Variants in LRMDA observed in about 807,000 individuals in gnomAD.
The protein encoded by LRMDA is leucine rich melanocyte differentiation associated.
LRMDA carries 18 observed loss-of-function variants against 29.8 expected under a neutral mutation model. The ratio of observed to expected loss-of-function variants is 0.60; its 90% CI spans 0.42 to 0.90. The LOEUF (loss-of-function observed/expected upper bound fraction) is 0.90, where lower values mean the gene tolerates loss of function less well. Among genes scored for constraint, LRMDA ranks in the 40% least tolerant of loss-of-function variants. The pLI, the probability that LRMDA is intolerant of heterozygous loss-of-function variation, is 0.00. For missense variants in LRMDA, 273 were observed against 273.9 expected, an observed-to-expected ratio of 1.00 and a Z score of 0.02; for synonymous variants, 125 against 109.4, an observed-to-expected ratio of 1.14 and a Z score of -0.89.
intron 5 of LRMDA, among the ~76,000 whole-genome samples, chr10:76,108,691 G>A (rs2132110812): frequency 6.6e-6 from 1 of 152,208 alleles, no homozygotes; most frequent in East Asian, 1.9e-4. Context: ...TGTGGCATAG[G>A]AAATAGAGCT....
At chr10:76,356,841 T>C (rs1310927825) in intron 6 of LRMDA, among the ~76,000 whole-genome samples, 1 of 152,212 alleles carries the variant, frequency 6.6e-6, no homozygotes, top group African/African-American at 2.4e-5. Flanking sequence ...TCAGCGTGTC[T>C]TCCAGGGTCA....
At chr10:76,051,188 C>G (rs977599923) in intron 4 of LRMDA, among the ~76,000 whole-genome samples, 1 of 152,238 alleles carries the variant, frequency 6.6e-6, no homozygotes, top group Non-Finnish European at 1.5e-5. Flanking sequence ...AGCTGTAAAA[C>G]TTGTGGCTTA....
At chr10:76,090,298 T>A (rs1301558396) in intron 5 of LRMDA, among the ~76,000 whole-genome samples, 3 of 152,174 alleles carry the variant, frequency 2.0e-5, no homozygotes, top group African/African-American at 7.2e-5. Context: ...TGAAGCCAGT[T>A]TCACTGTGGC....
intron 2 of LRMDA, among the ~76,000 whole-genome samples, chr10:75,954,083 A>G (rs1013737051): frequency 2.6e-5 from 4 of 152,216 alleles, no homozygotes; most frequent in East Asian, 3.8e-4. Context: ...CAGAAAGTGG[A>G]TCACAGCCAG....
At chr10:76,436,795 T>A (rs1489791844) in intron 6 of LRMDA, among the ~76,000 whole-genome samples, 1 of 152,162 alleles carries the variant, frequency 6.6e-6, no homozygotes, top group Non-Finnish European at 1.5e-5. Flanking sequence ...CTTCTATAGG[T>A]CAGAGCAGGC....
At chr10:75,779,703 C>T (rs1215085584) in intron 2 of LRMDA, among the ~76,000 whole-genome samples, 1 of 152,148 alleles carries the variant, frequency 6.6e-6, no homozygotes, top group African/African-American at 2.4e-5. Flanking sequence ...TTGAGGGAGC[C>T]TGGCTTCTTG....
At position 76,332,878 on chromosome 10, in the gene LRMDA, T is replaced by G. The variant is rs1840921404; in HGVS notation, c.601+8393T>G. The stretch of plus-strand genomic sequence containing the variant: ...AATAGAGAATATTATCTCTATCTTC[T>G]AGGAATTTATGGTTTGATTGAGGAG... On this transcript the variant is annotated intron_variant, in intron 6 of 6. Coordinates refer to ENST00000611255, the MANE Select transcript of LRMDA (RefSeq NM_001305581.2). Among the ~76,000 whole-genome samples the G allele has an allele frequency of 3.9e-5, 6 of 152,340 alleles. No individual in the cohort carries two copies. In the South Asian group the frequency reaches 1.2e-3, roughly 32 times the overall value.
intron 5 of LRMDA, among the ~76,000 whole-genome samples, chr10:76,261,396 T>TC (rs1244058337): frequency 6.6e-6 from 1 of 152,032 alleles, no homozygotes; most frequent in Non-Finnish European, 1.5e-5. Context: ...TCTAAGCTAA[T>TC]CACCTGGGTC....
At chr10:75,888,563 A>C (rs1469011331) in intron 2 of LRMDA, among the ~76,000 whole-genome samples, 10 of 152,220 alleles carry the variant, frequency 6.6e-5, no homozygotes, top group Admixed American at 6.5e-4. Context: ...ATCTCTGTTT[A>C]GCTTCTGTAA....
At chr10:75,846,974 A>C (rs1844649732) in intron 2 of LRMDA, among the ~76,000 whole-genome samples, 1 of 152,236 alleles carries the variant, frequency 6.6e-6, no homozygotes, top group Non-Finnish European at 1.5e-5. Flanking sequence ...TCAAAATCTC[A>C]GTGGCAATTT....
chr10:76,021,144 A>G (rs144784785), intron 2 of LRMDA, among the ~76,000 whole-genome samples: 2 of 152,334 alleles, frequency 1.3e-5, no homozygotes, highest in East Asian at 3.9e-4. Flanking sequence ...GACCAAATTC[A>G]TGGACCAGTG....
At chr10:76,415,210 C>G (rs1842002206) in intron 6 of LRMDA, among the ~76,000 whole-genome samples, 1 of 152,196 alleles carries the variant, frequency 6.6e-6, no homozygotes, top group South Asian at 2.1e-4. Flanking sequence ...GATTTCTGCT[C>G]CTTTTTGGAC....
intron 2 of LRMDA, among the ~76,000 whole-genome samples, chr10:76,028,784 G>A (rs1848102777): frequency 6.8e-6 from 1 of 147,668 alleles, no homozygotes; most frequent in South Asian, 2.1e-4. Context: ...TTGGCTTCCT[G>A]TCACAAAGAT....
intron 2 of LRMDA, among the ~76,000 whole-genome samples, chr10:75,871,182 G>A (rs1409421258): frequency 6.6e-6 from 1 of 152,010 alleles, no homozygotes; most frequent in Non-Finnish European, 1.5e-5. Flanking sequence ...GACACTTTAG[G>A]GGCCCCCATT....
At chr10:76,555,880 G>A (rs771657843) in intron 6 of LRMDA, among the ~76,000 whole-genome samples, 2 of 150,758 alleles carry the variant, frequency 1.3e-5, no homozygotes, top group Non-Finnish European at 2.9e-5. Context: ...TGTGGCTATT[G>A]AATGACTGTC....
chr10:75,891,485 T>A (rs2132354083), intron 2 of LRMDA, among the ~76,000 whole-genome samples: 1 of 152,338 alleles, frequency 6.6e-6, no homozygotes, highest in South Asian at 2.1e-4. Flanking sequence ...AGAAGCTTGC[T>A]GGTGACTTTG....
At chr10:75,858,313 A>G (rs1033308886) in intron 2 of LRMDA, among the ~76,000 whole-genome samples, 5 of 152,182 alleles carry the variant, frequency 3.3e-5, no homozygotes, top group African/African-American at 9.7e-5. Flanking sequence ...AGGACAAGCT[A>G]AAATATATCC....
chr10:75,902,389 G>A (rs1172472877), intron 2 of LRMDA, among the ~76,000 whole-genome samples: 1 of 152,164 alleles, frequency 6.6e-6, no homozygotes, highest in African/African-American at 2.4e-5. Flanking sequence ...CCATAGGGGT[G>A]GGAGGGGATG....
At chr10:75,731,309 A>T (rs1842694024) in intron 2 of LRMDA, among the ~76,000 whole-genome samples, 1 of 152,250 alleles carries the variant, frequency 6.6e-6, no homozygotes, top group South Asian at 2.1e-4. Flanking sequence ...TGAAGTCATC[A>T]TGCACCTTTG....
Sources: gnomAD v4.1 joint callset for allele counts (sites outside exome capture counted in the v4.1 genomes callset) on GRCh38, gnomAD v4.1.1 for gene constraint, MANE v1.5 for transcripts, NCBI Gene and HGNC (gene_info 2026-07-23, HGNC 2026-07-21) for gene names.